PDE1A: variants seen among roughly 807,000 people sequenced by gnomAD.
PDE1A encodes the protein phosphodiesterase 1A, also known as dual specificity calcium/calmodulin-dependent 3',5'-cyclic nucleotide phosphodiesterase 1A.
PDE1A carries 35 observed loss-of-function variants against 61.7 expected under a neutral mutation model. That is an observed-to-expected ratio of 0.57 (90% CI 0.43 to 0.75). The LOEUF is 0.75. Ranked by LOEUF, PDE1A falls within the 30% of genes least tolerant of loss-of-function variation. PDE1A has a pLI of 0.00. For synonymous variants in PDE1A, 232 were observed against 213.2 expected (o/e 1.09, Z -0.77); for missense variants, 597 against 630.6 (o/e 0.95, Z 0.57).
intron 1 of PDE1A, among the ~76,000 whole-genome samples, chr2:182,393,807 A>G (rs375996074): frequency 3.2e-4 from 49 of 152,358 alleles, no homozygotes; most frequent in African/African-American, 6.5e-4. Flanking sequence ...TTGCTAAAAC[A>G]TAAGAGTCAC....
intron 1 of PDE1A, among the ~76,000 whole-genome samples, chr2:182,423,331 A>G (rs906966048): frequency 6.6e-5 from 10 of 152,314 alleles, no homozygotes; most frequent in East Asian, 1.9e-4. Context: ...ACTACAGGAA[A>G]TGATTTGGAA....
At chr2:182,210,873 C>A (rs1208254352) in intron 7 of PDE1A, among the ~76,000 whole-genome samples, 3 of 149,340 alleles carry the variant, frequency 2.0e-5, no homozygotes, top group Admixed American at 1.3e-4. Context: ...GCTGATGTGA[C>A]AGAATACCTG....
chr2:182,644,985 A>ATT, the PDE1A span, among the ~76,000 whole-genome samples: 948 of 128,108 alleles, frequency 7.4e-3, 16 homozygotes, highest in African/African-American at 0.025. Context: ...TGTCTTCTGT[A>ATT]TTTTTTTTTT....
intron 2 of PDE1A, among the ~76,000 whole-genome samples, chr2:182,260,790 A>C (rs536484212): frequency 6.6e-6 from 1 of 152,290 alleles, no homozygotes; most frequent in South Asian, 2.1e-4. Context: ...CAACCTGTGC[A>C]CTTTCATCAA....
At chr2:182,323,411 A>C (rs547823730) in intron 1 of PDE1A, among the ~76,000 whole-genome samples, 1 of 152,344 alleles carries the variant, frequency 6.6e-6, no homozygotes, top group Non-Finnish European at 1.5e-5. Context: ...TTCATTAGAG[A>C]AGTAATAACT....
the PDE1A span, among the ~76,000 whole-genome samples, chr2:182,705,799 C>T: frequency 6.6e-6 from 1 of 152,020 alleles, no homozygotes; most frequent in African/African-American, 2.4e-5. Context: ...CAGGCATGAG[C>T]CACTGCACCC....
At chr2:182,592,811 G>C in the PDE1A span, among the ~76,000 whole-genome samples, 1 of 152,114 alleles carries the variant, frequency 6.6e-6, no homozygotes, top group Non-Finnish European at 1.5e-5. Flanking sequence ...AAAAAGGGTA[G>C]TTGATACATT....
At chr2:182,301,435 G>A (rs141473754) in intron 1 of PDE1A, among the ~76,000 whole-genome samples, 64 of 152,276 alleles carry the variant, frequency 4.2e-4, no homozygotes, top group African/African-American at 1.4e-3. Flanking sequence ...CTCTCGAAGT[G>A]ACCCAGTTGG....
At chr2:182,611,169 G>T in the PDE1A span, among the ~76,000 whole-genome samples, 1 of 152,096 alleles carries the variant, frequency 6.6e-6, no homozygotes, top group Non-Finnish European at 1.5e-5. Flanking sequence ...CCTACAATAC[G>T]TAAGTGAGTG....
At chr2:182,266,976 CT>C (rs1692677858) in intron 1 of PDE1A, among the ~76,000 whole-genome samples, 2 of 152,188 alleles carry the variant, frequency 1.3e-5, no homozygotes, top group South Asian at 4.1e-4. Context: ...TTTGTGGTTT[CT>C]TTTATAGGCA....
chr2:182,382,181 A>G (rs1422818947), intron 1 of PDE1A, among the ~76,000 whole-genome samples: 1 of 152,206 alleles, frequency 6.6e-6, no homozygotes, highest in East Asian at 1.9e-4. Flanking sequence ...AGCTAGACTT[A>G]AAATTAGTAG....
the PDE1A span, among the ~76,000 whole-genome samples, chr2:182,626,828 TATATATATAC>T: frequency 3.9e-4 from 14 of 35,742 alleles, no homozygotes; most frequent in South Asian, 2.3e-3. Context: ...TATATATACA[TATATATATAC>T]ATATATATAC....
the PDE1A span, among the ~76,000 whole-genome samples, chr2:182,710,045 C>T: frequency 6.6e-6 from 1 of 152,050 alleles, no homozygotes; most frequent in Non-Finnish European, 1.5e-5. Context: ...TACAGGCACA[C>T]ACCACCACGC....
intron 1 of PDE1A, among the ~76,000 whole-genome samples, chr2:182,397,495 A>G (rs1263940038): frequency 6.6e-6 from 1 of 152,134 alleles, no homozygotes; most frequent in Non-Finnish European, 1.5e-5. Flanking sequence ...CTTTCCCTGA[A>G]AAAAAGTTAT....
intron 1 of PDE1A, among the ~76,000 whole-genome samples, chr2:182,328,976 G>A (rs1362791358): frequency 2.0e-5 from 3 of 152,128 alleles, no homozygotes; most frequent in Non-Finnish European, 4.4e-5. Flanking sequence ...TCTTTTCTTT[G>A]TGTAAACATG....
chr2:182,335,458 C>T (rs997905393), intron 1 of PDE1A, among the ~76,000 whole-genome samples: 5 of 152,052 alleles, frequency 3.3e-5, no homozygotes, highest in Admixed American at 6.6e-5. Context: ...TCAGAAATAA[C>T]GCCAACACAT....
chr2:182,323,139 G>A (rs1696808643), intron 1 of PDE1A, among the ~76,000 whole-genome samples: 1 of 152,028 alleles, frequency 6.6e-6, no homozygotes, highest in East Asian at 1.9e-4. Flanking sequence ...AAAATAAATG[G>A]CTTTATAGAA....
intron 1 of PDE1A, among the ~76,000 whole-genome samples, chr2:182,300,494 T>A (rs1695168277): frequency 6.6e-6 from 1 of 152,006 alleles, no homozygotes; most frequent in Non-Finnish European, 1.5e-5. Context: ...TTGGGCAGAG[T>A]TTTGAGCAGT....
the PDE1A span, among the ~76,000 whole-genome samples, chr2:182,645,526 T>TTTGTCAAA: frequency 1.3e-5 from 2 of 152,202 alleles, no homozygotes; most frequent in Non-Finnish European, 2.9e-5. Flanking sequence ...CTTATCTTTT[T>TTTGTCAAA]TTGTCAAATT....
Sources: gnomAD v4.1 joint callset for allele counts (sites outside exome capture counted in the v4.1 genomes callset) on GRCh38, gnomAD v4.1.1 for gene constraint, MANE v1.5 for transcripts, NCBI Gene and HGNC (gene_info 2026-07-23, HGNC 2026-07-21) for gene names.